HECW1: variants seen among roughly 807,000 people sequenced by gnomAD.
The protein encoded by HECW1 is E3 ubiquitin-protein ligase HECW1.
In HECW1, 61 loss-of-function variants were observed where a neutral mutation model predicts 182.3. The ratio of observed to expected loss-of-function variants is 0.33; its 90% CI spans 0.27 to 0.41. The LOEUF (loss-of-function observed/expected upper bound fraction) is 0.41, where lower values mean the gene tolerates loss of function less well. Among genes scored for constraint, HECW1 ranks in the 10% least tolerant of loss-of-function variants. The pLI, the probability that HECW1 is intolerant of heterozygous loss-of-function variation, is 1.00. For synonymous variants in HECW1, 859 were observed against 832.6 expected (o/e 1.03, Z -0.55); for missense variants, 1,739 against 2,108.9 (o/e 0.82, Z 3.44).
At chr7:43,350,747 A>G (rs1405127406) in intron 5 of HECW1, among the ~76,000 whole-genome samples, 1 of 152,298 alleles carries the variant, frequency 6.6e-6, no homozygotes, top group East Asian at 1.9e-4. Context: ...ATCTATTTCC[A>G]TGACTATTTC....
chr7:43,310,336 G>A (rs911623180), intron 3 of HECW1, among the ~76,000 whole-genome samples: 3 of 152,208 alleles, frequency 2.0e-5, no homozygotes, highest in African/African-American at 7.2e-5. Context: ...CAGTCTTCCT[G>A]AGAGGAGGGA....
At chr7:43,298,673 C>G (rs1028278112) in intron 3 of HECW1, among the ~76,000 whole-genome samples, 4 of 152,140 alleles carry the variant, frequency 2.6e-5, no homozygotes, top group African/African-American at 7.2e-5. Flanking sequence ...CTTGGAAAAA[C>G]CCAAATTACT....
intron 20 of HECW1, among the ~76,000 whole-genome samples, 196 bp downstream of exon 20, chr7:43,500,978 G>C (rs536373661): frequency 6.6e-5 from 10 of 152,204 alleles, no homozygotes; most frequent in Non-Finnish European, 1.5e-4. Context: ...GAGCTAGCAA[G>C]AGCTGCGTAA....
intron 5 of HECW1, among the ~76,000 whole-genome samples, chr7:43,358,058 A>C (rs967625718): frequency 3.3e-5 from 5 of 152,076 alleles, no homozygotes; most frequent in Non-Finnish European, 7.4e-5. Context: ...CATTGAAATA[A>C]TTTTTTCTTT....
At chr7:43,281,121 C>T (rs1803844965) in intron 3 of HECW1, among the ~76,000 whole-genome samples, 1 of 152,166 alleles carries the variant, frequency 6.6e-6, no homozygotes, top group Non-Finnish European at 1.5e-5. Flanking sequence ...AGCAGTTCTG[C>T]ACCCCTCACC....
chr7:43,282,564 T>C (rs1332799552), intron 3 of HECW1, among the ~76,000 whole-genome samples: 1 of 152,224 alleles, frequency 6.6e-6, no homozygotes, highest in Non-Finnish European at 1.5e-5. Flanking sequence ...TTGGAAGTTA[T>C]AAAGTGAGAC....
chr7:43,501,636 C>T (rs2079363956), intron 21 of HECW1, among the ~76,000 whole-genome samples: 1 of 151,938 alleles, frequency 6.6e-6, no homozygotes, highest in Non-Finnish European at 1.5e-5. Flanking sequence ...TCAAGACCAG[C>T]CTGGGCAACA....
chr7:43,494,931 G>A (rs570278835), intron 19 of HECW1, among the ~76,000 whole-genome samples: 12 of 152,124 alleles, frequency 7.9e-5, no homozygotes, highest in South Asian at 6.2e-4. Flanking sequence ...CACAGGCTGC[G>A]TACTCTCCTG....
At chr7:43,212,687 A>G (rs910352174) in intron 2 of HECW1, among the ~76,000 whole-genome samples, 2 of 152,252 alleles carry the variant, frequency 1.3e-5, no homozygotes, top group Admixed American at 6.5e-5. Context: ...TAAAATGGAT[A>G]AATATATTAG....
intron 23 of HECW1, 37 bp downstream of exon 23, chr7:43,508,168 A>G: frequency 2.8e-6 from 4 of 1,419,398 alleles, no homozygotes; most frequent in Non-Finnish European, 4.0e-6. Context: ...CACCTAAGCA[A>G]GGGTGGGCCA....
At chr7:43,553,368 G>A (rs181057108) in intron 28 of HECW1, among the ~76,000 whole-genome samples, 12 of 152,168 alleles carry the variant, frequency 7.9e-5, no homozygotes, top group Admixed American at 5.9e-4. Flanking sequence ...GTATAAAATC[G>A]GTATAGAATG....
intron 3 of HECW1, among the ~76,000 whole-genome samples, chr7:43,257,487 G>A (rs962561998): frequency 6.6e-6 from 1 of 152,136 alleles, no homozygotes; most frequent in African/African-American, 2.4e-5. Flanking sequence ...CCCGAAGCAA[G>A]AGGCATGGGG....
At chr7:43,400,336 G>A (rs1008639387) in intron 7 of HECW1, among the ~76,000 whole-genome samples, 20 of 152,296 alleles carry the variant, frequency 1.3e-4, no homozygotes, top group African/African-American at 4.8e-4. Context: ...GCTCCATGCT[G>A]GTCAGCTCTG....
chr7:43,536,239 A>G (rs1563101120), intron 24 of HECW1, among the ~76,000 whole-genome samples: 1 of 152,250 alleles, frequency 6.6e-6, no homozygotes. Context: ...TAATTGATAA[A>G]TAAATAGAAA....
At chr7:43,446,565 G>C (rs984581732) in intron 11 of HECW1, among the ~76,000 whole-genome samples, 3 of 152,192 alleles carry the variant, frequency 2.0e-5, no homozygotes, top group African/African-American at 7.2e-5. Context: ...TCAAGGGCCA[G>C]AGTTGTGTTT....
At chr7:43,517,127 G>A (rs1157301920) in intron 24 of HECW1, among the ~76,000 whole-genome samples, 1 of 152,150 alleles carries the variant, frequency 6.6e-6, no homozygotes, top group African/African-American at 2.4e-5. Context: ...AATTGTCAGT[G>A]TGAGAAGGAT....
At chr7:43,458,703 T>C (rs2077482178) in intron 13 of HECW1, among the ~76,000 whole-genome samples, 1 of 152,254 alleles carries the variant, frequency 6.6e-6, no homozygotes, top group South Asian at 2.1e-4. Context: ...TTTTTTGTAT[T>C]TGGCATTATA....
intron 21 of HECW1, among the ~76,000 whole-genome samples, chr7:43,502,976 A>G (rs2079427583): frequency 6.6e-6 from 1 of 152,190 alleles, no homozygotes; most frequent in Non-Finnish European, 1.5e-5. Context: ...CAGAGTTAGT[A>G]TCATTCAGTA....
At chr7:43,175,753 C>T (rs1195656484) in intron 2 of HECW1, among the ~76,000 whole-genome samples, 1 of 152,186 alleles carries the variant, frequency 6.6e-6, no homozygotes, top group Non-Finnish European at 1.5e-5. Flanking sequence ...ACGGAGCTAA[C>T]GTTTCACTCC....
Sources: allele counts gnomAD v4.1 joint callset (sites outside exome capture counted in the v4.1 genomes callset), GRCh38; gene constraint gnomAD v4.1.1; transcripts MANE v1.5; gene names NCBI Gene and HGNC (gene_info 2026-07-23, HGNC 2026-07-21).